Variants in CHD7 observed in about 807,000 individuals in gnomAD.
The protein encoded by CHD7 is chromodomain helicase DNA binding protein 7, also known as ATP-dependent chromatin remodeler CHD7.
Under a neutral mutation model 307.3 loss-of-function variants are expected in CHD7, and 24 were observed. The ratio of observed to expected loss-of-function variants is 0.08; its 90% CI spans 0.06 to 0.11. The LOEUF (loss-of-function observed/expected upper bound fraction) is 0.11. Ranked by LOEUF, CHD7 falls within the 10% of genes least tolerant of loss-of-function variation. CHD7 has a pLI of 1.00. For synonymous variants in CHD7, 1,363 were observed against 1,349.9 expected (o/e 1.01, Z -0.21); for missense variants, 3,106 against 3,727.1 (o/e 0.83, Z 4.34).
chr8:60,852,076 C>A lies in CHD7; in HGVS notation c.5723C>A (p.Thr1908Asn), dbSNP rs1313352713. 5.0e-6 allele frequency: 8 copies of A among 1,613,834 alleles called. No homozygotes were observed. The highest frequency in any genetic ancestry group is 6.8e-6 in the Non-Finnish European group (8 of 1,179,860). ...LGQLYWPNTS[T>N]LTTRLRRLIT... ...CAACTTTACTGGCCTAACACTTCAA[C>A]CCTGACTACACGTCTGCGCCGGCTC... Residue 1908 changes from threonine to asparagine, a missense_variant, in exon 29 of 38, where the codon ACC (threonine) becomes AAC (asparagine). By Grantham distance (65) the Thr-to-Asn change is moderately conservative (BLOSUM62 0). Around this residue, in one of 10 missense-constraint regions of CHD7, gnomAD observed 1,030 missense variants for 1,165.4 expected, o/e 0.88. Transcript: ENST00000423902.
Position 60,865,676 on chromosome 8 carries a change from C to T in CHD7, c.8737C>T (p.Leu2913=), listed in dbSNP as rs1416666431. The T allele has an allele frequency of 1.2e-6, 2 of 1,606,678 alleles. No homozygotes were observed. Among genetic ancestry groups the T allele is most frequent in the Non-Finnish European group, 1.7e-6 (2 of 1,175,070 alleles). The change falls in exon 38 of 38, where the codon CTG becomes TTG. Residue 2913 remains leucine (L), a synonymous_variant. Transcript: ENST00000423902. This position sits in a 1 kb window ranked among gnomAD's most constrained non-coding sequence, Gnocchi z 4.3. ...CCCATCCATGTTTCTACCTCCAGGA[C>T]TGGGGGGATTGACGCTGCCTGGGTT... ...FYPSMFLPPG[L]GGLTLPGFPA... is the part of the protein sequence containing the mutation.
Position 60,825,228 on chromosome 8 carries a change from C to T in CHD7, c.3378+1212C>T, listed in dbSNP as rs1804211075. 2.0e-5 allele frequency: 3 copies of T among 152,272 alleles called. No individual in the cohort carries two copies. In the South Asian group the frequency reaches 6.2e-4, roughly 32 times the overall value. 9.4% of individuals were successfully genotyped at this position (152,272 alleles called of 1,614,324 possible). On this transcript the variant is annotated intron_variant, in intron 13 of 37. Transcript: ENST00000423902. The stretch of plus-strand genomic sequence containing the variant: ...TAAAAGCTTTTTGTTGCAGCTGATT[C>T]TCTGAAAGAGCAGCTTATTTTATTC...
chr8:60,832,867 A>AGTCCTTGATGT (rs1804582300), intron 15 of CHD7, among the ~76,000 whole-genome samples: 1 of 152,204 alleles, frequency 6.6e-6, no homozygotes, highest in African/African-American at 2.4e-5. Flanking sequence ...GGACTCCCTA[A>AGTCCTTGATGT]GGCTTGGCAG....
chr8:60,719,914 G>A (rs749498123), intron 1 of CHD7, among the ~76,000 whole-genome samples: 14 of 152,144 alleles, frequency 9.2e-5, no homozygotes, highest in Non-Finnish European at 1.6e-4. Context: ...CTAACATCTG[G>A]CTGATTGTAA....
chr8:60,854,300 T>G (rs1805609110), intron 31 of CHD7, 63 bp from the exon 32 acceptor site: 12 of 1,467,792 alleles, frequency 8.2e-6, no homozygotes, highest in Middle Eastern at 4.1e-4. Context: ...AATCATGTCC[T>G]TTCTAAACTT....
At chr8:60,730,710 A>T (rs1206910309) in intron 1 of CHD7, among the ~76,000 whole-genome samples, 4 of 152,156 alleles carry the variant, frequency 2.6e-5, no homozygotes, top group Non-Finnish European at 4.4e-5. Context: ...AATACAAAAA[A>T]TTAGCCGGTC....
At chr8:60,684,459 C>CTA (rs1010841457) in intron 1 of CHD7, among the ~76,000 whole-genome samples, 19 of 152,204 alleles carry the variant, frequency 1.2e-4, no homozygotes, top group Non-Finnish European at 2.8e-4. Context: ...CACACAAAAA[C>CTA]TAGAGCTACT....
intron 8 of CHD7, 51 bp downstream of exon 8, chr8:60,816,552 C>G: frequency 9.0e-7 from 1 of 1,107,006 alleles, no homozygotes; most frequent in East Asian, 2.6e-5. Flanking sequence ...TTAAAATGTT[C>G]TAAATTTAAA....
chr8:60,786,769 ATAAG>A (rs1563599697), intron 3 of CHD7, among the ~76,000 whole-genome samples: 1 of 152,244 alleles, frequency 6.6e-6, no homozygotes, highest in African/African-American at 2.4e-5. Flanking sequence ...TTTTATTTAA[ATAAG>A]TCTATATTTG....
rs372636798 is a variant in CHD7 at position 60,866,028 on chromosome 8, G to A, written c.*95G>A. 8 of 1,186,940 alleles carry A rather than the reference G, an allele frequency of 6.7e-6. No individual in the cohort carries two copies. The African/African-American group carries it at 1.2e-4, about 18-fold the overall frequency. 73.5% of individuals were successfully genotyped at this position (1,186,940 alleles called of 1,614,324 possible). A position where few individuals can be genotyped will look rare whatever the true frequency, so the allele number is the denominator to read the frequency against. On this transcript the variant is annotated 3_prime_UTR_variant, in exon 38 of 38. Coordinates refer to ENST00000423902, the MANE Select transcript of CHD7 (RefSeq NM_017780.4). ...TTAATGTTCATACCTAGTTTTATAA[G>A]CTGTTCTGTAACATAGTGTAGCAAA...
At position 60,830,992 on chromosome 8, in the gene CHD7, A is replaced by G. The variant is rs1053549357; in HGVS notation, c.3778+415A>G. 3.3e-5 allele frequency among the ~76,000 whole-genome samples: 5 copies of G among 152,188 alleles called. No individual in the cohort carries two copies. The South Asian group carries it at 1.0e-3, about 32-fold the overall frequency. On this transcript the variant is annotated intron_variant, in intron 15 of 37. Transcript: ENST00000423902. ...CTATCAGCTGTCTCAAGCCTTTGAT[A>G]GCAAATGTCCTCATCTTCCTCTCAG... is the stretch of plus-strand genomic sequence containing the variant.
intron 7 of CHD7, chr8:60,809,677 A>G (rs1235186641): frequency 2.8e-5 from 3 of 106,072 alleles, no homozygotes; most frequent in African/African-American, 1.7e-4. Context: ...TGAAAAAAAA[A>G]AAAAAAAAAA....
At chr8:60,824,148 G>T in intron 13 of CHD7, 132 bp downstream of exon 13, 1 of 796,442 alleles carries the variant, frequency 1.3e-6, no homozygotes, top group South Asian at 1.9e-5. Flanking sequence ...ATATTCTCTG[G>T]CACTTTCAGT....
intron 1 of CHD7, among the ~76,000 whole-genome samples, chr8:60,696,617 G>GTT (rs554059820): frequency 7.0e-6 from 1 of 143,880 alleles, no homozygotes; most frequent in Non-Finnish European, 1.5e-5. Context: ...ATTGCAGGTA[G>GTT]TTTTTTTTTT....
chr8:60,758,622 T>C (rs1332870349), intron 2 of CHD7, among the ~76,000 whole-genome samples: 1 of 152,212 alleles, frequency 6.6e-6, no homozygotes, highest in East Asian at 1.9e-4. Context: ...TCAAGAGAAT[T>C]ACTGCCAAAT....
At chr8:60,762,991 TG>T (rs971081265) in intron 2 of CHD7, among the ~76,000 whole-genome samples, 43 of 130,138 alleles carry the variant, frequency 3.3e-4, no homozygotes, top group Admixed American at 6.7e-4. Context: ...CGAGGGTTGG[TG>T]GGGGGGCGGC....
chr8:60,846,206 T>C (rs913408017), intron 23 of CHD7, among the ~76,000 whole-genome samples: 1 of 152,234 alleles, frequency 6.6e-6, no homozygotes, highest in Non-Finnish European at 1.5e-5. Flanking sequence ...TAGAGAATAG[T>C]AGTCAGCATT....
At chr8:60,844,115 G>A (rs1237717705) in intron 21 of CHD7, among the ~76,000 whole-genome samples, 7 of 152,172 alleles carry the variant, frequency 4.6e-5, no homozygotes, top group Non-Finnish European at 7.3e-5. Context: ...GCCTGCCCCC[G>A]TACCTATTTG....
rs1355606296 is a variant in CHD7, at chr8:60,830,503, A to C, written c.3704A>C (p.Gln1235Pro). The change falls in exon 15 of 38, where the codon CAA becomes CCA. Residue 1235 changes from glutamine (Q) to proline (P), a missense_variant. Gln to Pro is a moderately conservative substitution (Grantham distance 76). This residue lies in a region of CHD7 where 232 missense variants were observed against 422.5 expected (regional missense o/e 0.55). Coordinates refer to ENST00000423902, the MANE Select transcript of CHD7 (RefSeq NM_017780.4). ...NFTFLSKGGGQANVPNLLNTM... is the reference protein window; with the variant it reads ...NFTFLSKGGGPANVPNLLNTM... The stretch of plus-strand genomic sequence containing the variant: ...ACATTTCTTTCCAAAGGCGGTGGTC[A>C]AGCTAACGTACCTAACCTATTAAAC... The C allele has an allele frequency of 1.2e-6, 2 of 1,613,904 alleles. No homozygotes were observed. The highest frequency in any genetic ancestry group is 1.7e-6 in the Non-Finnish European group (2 of 1,179,886).
Sources: allele counts gnomAD v4.1 joint callset (sites outside exome capture counted in the v4.1 genomes callset), GRCh38; gene constraint gnomAD v4.1.1; regional missense constraint gnomAD v4.1.1; non-coding constraint Gnocchi (gnomAD v3.1); transcripts MANE v1.5; gene names NCBI Gene and HGNC (gene_info 2026-07-23, HGNC 2026-07-21).